Variants in FKBP3 observed in about 807,000 individuals in gnomAD.
FKBP3 encodes the protein FKBP prolyl isomerase 3.
In FKBP3, 21 loss-of-function variants were observed where a neutral mutation model predicts 30.6. The observed-to-expected ratio is 0.69, with a 90% CI of 0.49 to 0.99. The LOEUF (loss-of-function observed/expected upper bound fraction) is 0.99, where lower values mean the gene tolerates loss of function less well. FKBP3 is among the 50% of genes least tolerant of loss of function. The pLI, the probability that FKBP3 is intolerant of heterozygous loss-of-function variation, is 0.00. For missense variants in FKBP3, 283 were observed against 261.6 expected (o/e 1.08, Z -0.56); for synonymous variants, 82 against 91.3 (o/e 0.90, Z 0.58).
At chr14:45,120,446 C>T (rs1449076809) in intron 5 of FKBP3, among the ~76,000 whole-genome samples, 1 of 152,192 alleles carries the variant, frequency 6.6e-6, no homozygotes, top group Non-Finnish European at 1.5e-5. Flanking sequence ...AACTCTGCTT[C>T]TGTGAATACT....
At chr14:45,121,017 T>A in intron 4 of FKBP3, 63 bp from the exon 5 acceptor site, 3 of 1,255,834 alleles carry the variant, frequency 2.4e-6, no homozygotes, top group Non-Finnish European at 3.4e-6. Context: ...GAAATTTCCA[T>A]TGGAAATTAT....
intron 1 of FKBP3, among the ~76,000 whole-genome samples, chr14:45,133,029 T>C (rs1336633783): frequency 6.6e-6 from 1 of 152,254 alleles, no homozygotes; most frequent in Non-Finnish European, 1.5e-5. Context: ...AGAATAGTTC[T>C]TGTTACAGAT....
At chr14:45,118,355 T>G (rs1410667525) in intron 5 of FKBP3, among the ~76,000 whole-genome samples, 2 of 152,056 alleles carry the variant, frequency 1.3e-5, no homozygotes, top group African/African-American at 4.8e-5. Context: ...GAAAAGAACC[T>G]TTTGGGGCTC....
intron 5 of FKBP3, 75 bp from the exon 6 acceptor site, chr14:45,118,200 G>C: frequency 1.2e-6 from 1 of 809,198 alleles, no homozygotes; most frequent in Non-Finnish European, 2.0e-6. Flanking sequence ...GTCAAGACAA[G>C]ATTGTATGTT....
At chr14:45,128,337 AAAC>A (rs1467881663) in intron 3 of FKBP3, among the ~76,000 whole-genome samples, 3 of 152,174 alleles carry the variant, frequency 2.0e-5, no homozygotes, top group Non-Finnish European at 2.9e-5. Flanking sequence ...TCAAAGACAA[AAAC>A]AAAAACAAAA....
intron 6 of FKBP3, among the ~76,000 whole-genome samples, chr14:45,116,881 T>A (rs1163416709): frequency 6.6e-6 from 1 of 151,996 alleles, no homozygotes; most frequent in Non-Finnish European, 1.5e-5. Flanking sequence ...CAAAATATGC[T>A]AACTTAAGAG....
chr14:45,125,267 G>C (rs1022971703), intron 3 of FKBP3, among the ~76,000 whole-genome samples: 3 of 152,158 alleles, frequency 2.0e-5, no homozygotes, highest in Admixed American at 1.3e-4. Context: ...AAATGACTTG[G>C]GAAGCAAAAG....
chr14:45,133,228 G>A, intron 1 of FKBP3: 1 of 159,368 alleles, frequency 6.3e-6, no homozygotes, highest in South Asian at 1.3e-4. Flanking sequence ...AGCACTTTGG[G>A]AGGCCGAGGC....
chr14:45,134,472 C>G lies in FKBP3; in HGVS notation c.-16G>C. 1 of 1,607,816 alleles carries G rather than the reference C, an allele frequency of 6.2e-7. No homozygotes were observed. The highest frequency in any genetic ancestry group is 8.5e-7 in the Non-Finnish European group (1 of 1,176,514). ...CCGCCGCCATCTTCCCCCGCTGCCTCCGCTTTACTGAGCCAGCCCGCCGCA... is the reference window on the plus strand; with the variant it reads ...CCGCCGCCATCTTCCCCCGCTGCCTGCGCTTTACTGAGCCAGCCCGCCGCA... On this transcript the variant is annotated 5_prime_UTR_variant, in exon 1 of 7. Coordinates refer to ENST00000396062, the MANE Select transcript of FKBP3 (RefSeq NM_002013.4).
At chr14:45,133,037 G>A (rs530094155) in intron 1 of FKBP3, among the ~76,000 whole-genome samples, 2 of 152,308 alleles carry the variant, frequency 1.3e-5, no homozygotes, top group South Asian at 2.1e-4. Context: ...TCTTGTTACA[G>A]ATGTTGTATT....
chr14:45,121,993 C>A (rs1376617518), intron 3 of FKBP3, among the ~76,000 whole-genome samples: 1 of 152,108 alleles, frequency 6.6e-6, no homozygotes, highest in Non-Finnish European at 1.5e-5. Flanking sequence ...TTCCCCCCCA[C>A]AAAGATTTGA....
At chr14:45,122,802 C>T (rs963626177) in intron 3 of FKBP3, among the ~76,000 whole-genome samples, 1 of 152,070 alleles carries the variant, frequency 6.6e-6, no homozygotes, top group Non-Finnish European at 1.5e-5. Context: ...CGCGCCTGGC[C>T]TATTCCTGAT....
intron 1 of FKBP3, among the ~76,000 whole-genome samples, chr14:45,132,430 C>A (rs1885237775): frequency 6.6e-6 from 1 of 152,118 alleles, no homozygotes; most frequent in African/African-American, 2.4e-5. Flanking sequence ...CAGAGTCTAG[C>A]TCTGTCGCCC....
At chr14:45,116,864 A>C (rs1422068104) in intron 6 of FKBP3, among the ~76,000 whole-genome samples, 1 of 152,046 alleles carries the variant, frequency 6.6e-6, no homozygotes, top group African/African-American at 2.4e-5. Flanking sequence ...TCAAAAAAAA[A>C]CCAAAACAAA....
At chr14:45,129,455 CAAAAG>C (rs1467804361) in intron 3 of FKBP3, among the ~76,000 whole-genome samples, 1 of 152,106 alleles carries the variant, frequency 6.6e-6, no homozygotes, top group Non-Finnish European at 1.5e-5. Context: ...TAAAAATAAT[CAAAAG>C]AAAATGTATT....
chr14:45,131,813 G>A lies in FKBP3; in HGVS notation c.109-1013C>T, dbSNP rs118116977. Among the ~76,000 whole-genome samples, 342 of 152,240 alleles carry A rather than the reference G, an allele frequency of 2.2e-3. 3 individuals are homozygous for A. In the East Asian group the frequency reaches 0.053, roughly 24 times the overall value. The stretch of plus-strand genomic sequence containing the variant: ...CATTTAGCATAGAGCCTGTCACACA[G>A]TAAGAACTTAATAAATATTGGGATT... On this transcript the variant is annotated intron_variant, in intron 1 of 6. Coordinates refer to ENST00000396062, the MANE Select transcript of FKBP3 (RefSeq NM_002013.4).
At chr14:45,131,105 G>A (rs1885204545) in intron 1 of FKBP3, 1 of 184,814 alleles carries the variant, frequency 5.4e-6, no homozygotes, top group African/African-American at 2.4e-5. Context: ...AGCACACTGT[G>A]GTGACTTGAG....
chr14:45,120,845 T>C lies in FKBP3; in HGVS notation c.522+42A>G, dbSNP rs757210950. 2.1e-6 allele frequency: 3 copies of C among 1,463,238 alleles called. No homozygotes were observed. In the South Asian group the frequency reaches 3.4e-5, roughly 17 times the overall value. 90.6% of individuals were successfully genotyped at this position (1,463,238 alleles called of 1,614,324 possible). A position where few individuals can be genotyped will look rare whatever the true frequency, so the allele number is the denominator to read the frequency against. ...TTACAGCACCATACCAGAAGCAGCATATGCCAGAATATCTACTGATTCATT... is the reference window on the plus strand; with the variant it reads ...TTACAGCACCATACCAGAAGCAGCACATGCCAGAATATCTACTGATTCATT... On this transcript the variant is annotated intron_variant, in intron 5 of 6. Coordinates refer to ENST00000396062, the MANE Select transcript of FKBP3 (RefSeq NM_002013.4).
chr14:45,122,176 C>G (rs923511720), intron 3 of FKBP3, among the ~76,000 whole-genome samples: 1 of 152,120 alleles, frequency 6.6e-6, no homozygotes, highest in African/African-American at 2.4e-5. Flanking sequence ...GTAGGATTAT[C>G]AGGGTCTTCT....
Sources: allele counts gnomAD v4.1 joint callset (sites outside exome capture counted in the v4.1 genomes callset), GRCh38; gene constraint gnomAD v4.1.1; transcripts MANE v1.5; gene names NCBI Gene and HGNC (gene_info 2026-07-23, HGNC 2026-07-21).